Variants in ABI3BP observed in about 807,000 individuals in gnomAD.
ABI3BP encodes the protein ABI family member 3 binding protein, also known as target of Nesh-SH3.
A neutral mutation model predicts 268.6 loss-of-function variants in ABI3BP; 216 were observed. That is an observed-to-expected ratio of 0.80 (90% CI 0.72 to 0.90). The LOEUF (loss-of-function observed/expected upper bound fraction) is 0.90, where lower values mean the gene tolerates loss of function less well. ABI3BP is among the 40% of genes least tolerant of loss of function. ABI3BP has a pLI of 0.00. For synonymous variants in ABI3BP, 730 were observed against 730.0 expected (o/e 1.00, Z 0.00); for missense variants, 2,090 against 2,182.4 (o/e 0.96, Z 0.84).
chr3:100,816,918 T>A, intron 42 of ABI3BP, 150 bp from the exon 43 acceptor site: 1 of 628,854 alleles, frequency 1.6e-6, no homozygotes, highest in Non-Finnish European at 2.7e-6. Flanking sequence ...TCTTAATCAC[T>A]GAAGATTCTT....
chr3:100,818,559 A>G lies in ABI3BP; in HGVS notation c.3054T>C (p.Pro1018=). 2 of 1,535,588 alleles carry G rather than the reference A, an allele frequency of 1.3e-6. No homozygotes were observed. The highest frequency in any genetic ancestry group is 1.2e-5 in the South Asian group (1 of 84,046). The change falls in exon 41 of 68, where the codon CCT becomes CCC. Residue 1018 remains proline (P), a synonymous_variant. Coordinates refer to ENST00000471714, the MANE Select transcript of ABI3BP (RefSeq NM_001375547.2). ...TTGGAGCTTCAGTTCTGAGAGTACCAGGTTCAAGATCTGTAGAAGGAACTA... is the reference window on the plus strand; with the variant it reads ...TTGGAGCTTCAGTTCTGAGAGTACCGGGTTCAAGATCTGTAGAAGGAACTA... ...TKLVPSTDLE[P]GTLRTEAPKT...
chr3:100,850,608 A>ATTT, intron 16 of ABI3BP, 52 bp downstream of exon 16: 3 of 1,084,790 alleles, frequency 2.8e-6, no homozygotes, highest in Non-Finnish European at 3.9e-6. Flanking sequence ...CATTCACATG[A>ATTT]TTTTTTTTTT....
At chr3:100,751,785 C>G (rs895396516) in intron 66 of ABI3BP, 111 bp from the exon 67 acceptor site, 3 of 1,073,462 alleles carry the variant, frequency 2.8e-6, no homozygotes, top group Admixed American at 3.1e-5. Flanking sequence ...CTCTATTACC[C>G]TAGTTCAAAC....
At chr3:100,990,208 G>A (rs779093546) in intron 1 of ABI3BP, among the ~76,000 whole-genome samples, 109 of 152,088 alleles carry the variant, frequency 7.2e-4, no homozygotes, top group Admixed American at 3.9e-4. Context: ...TGTGTTATTC[G>A]GTGTGCATGT....
rs371150157 is a variant in ABI3BP at position 100,794,523 on chromosome 3, A to C, written c.3946+400T>G. ...AAAAGTTTCTTGTTAGAACTGCATC[A>C]CCTAACAGTGCACCCAGTAAAGGCT... On this transcript the variant is annotated intron_variant, in intron 54 of 67. Transcript: ENST00000471714. 7.2e-5 allele frequency among the ~76,000 whole-genome samples: 11 copies of C among 151,996 alleles called. 1 individual carries two copies. The highest frequency in any genetic ancestry group is 2.7e-4 in the African/African-American group (11 of 41,500).
intron 25 of ABI3BP, 49 bp from the exon 26 acceptor site, chr3:100,838,333 T>G: frequency 6.5e-7 from 1 of 1,528,830 alleles, no homozygotes; most frequent in Non-Finnish European, 8.8e-7. Flanking sequence ...GAGCTGTGAA[T>G]GTGGAGATTA....
At chr3:100,763,065 C>T (rs1013425876) in intron 63 of ABI3BP, among the ~76,000 whole-genome samples, 7 of 152,194 alleles carry the variant, frequency 4.6e-5, no homozygotes, top group African/African-American at 1.7e-4. Flanking sequence ...ATATAATAGA[C>T]ACACTGAATG....
intron 67 of ABI3BP, among the ~76,000 whole-genome samples, chr3:100,751,211 T>A (rs1036189657): frequency 2.0e-5 from 3 of 152,152 alleles, no homozygotes; most frequent in East Asian, 1.9e-4. Context: ...AGTTAAAAAA[T>A]TTTTTTTCTT....
intron 2 of ABI3BP, among the ~76,000 whole-genome samples, chr3:100,920,224 C>T (rs975252487): frequency 5.9e-5 from 9 of 152,082 alleles, no homozygotes; most frequent in Non-Finnish European, 1.3e-4. Flanking sequence ...TTAGACCAGG[C>T]TTTTTCAACC....
chr3:100,955,490 C>A (rs1584814257), intron 1 of ABI3BP, among the ~76,000 whole-genome samples: 2 of 152,080 alleles, frequency 1.3e-5, no homozygotes, highest in African/African-American at 4.8e-5. Context: ...AGATGTTTGA[C>A]TTATTTGTTT....
chr3:100,946,678 C>G (rs927745615), intron 1 of ABI3BP, among the ~76,000 whole-genome samples: 3 of 151,618 alleles, frequency 2.0e-5, no homozygotes, highest in Non-Finnish European at 2.9e-5. Context: ...ATCTCAGCTA[C>G]TTGGGAGGCT....
chr3:100,976,614 AG>A (rs2086343322), intron 1 of ABI3BP, among the ~76,000 whole-genome samples: 1 of 152,182 alleles, frequency 6.6e-6, no homozygotes, highest in Non-Finnish European at 1.5e-5. Flanking sequence ...TTTTAATAAG[AG>A]ATGAGAAATT....
chr3:100,870,269 G>A (rs923068911), intron 9 of ABI3BP, among the ~76,000 whole-genome samples: 22 of 152,104 alleles, frequency 1.4e-4, no homozygotes, highest in Admixed American at 7.9e-4. Context: ...CAAACCACAT[G>A]TATCTGATAA....
At chr3:100,863,436 C>T (rs1194371999) in intron 12 of ABI3BP, 1 of 156,376 alleles carries the variant, frequency 6.4e-6, no homozygotes, top group African/African-American at 2.4e-5. Context: ...CTGTCTCAGC[C>T]TCCTGGGTAG....
chr3:100,945,029 G>A (rs1691659126), intron 1 of ABI3BP, among the ~76,000 whole-genome samples: 1 of 152,068 alleles, frequency 6.6e-6, no homozygotes, highest in Admixed American at 6.6e-5. Flanking sequence ...TCTTCTCTAA[G>A]CCTCATTTTT....
At chr3:100,910,701 T>C (rs1260187632) in intron 2 of ABI3BP, among the ~76,000 whole-genome samples, 1 of 152,116 alleles carries the variant, frequency 6.6e-6, no homozygotes, top group African/African-American at 2.4e-5. Context: ...AAAGAATGTG[T>C]CAGTGTAAGG....
At chr3:100,906,187 C>A (rs539724632) in intron 2 of ABI3BP, among the ~76,000 whole-genome samples, 1 of 151,972 alleles carries the variant, frequency 6.6e-6, no homozygotes, top group Admixed American at 6.5e-5. Flanking sequence ...AAGAAAGACC[C>A]GAAACACTAG....
intron 1 of ABI3BP, among the ~76,000 whole-genome samples, chr3:100,936,535 A>T (rs1461655359): frequency 6.6e-6 from 1 of 152,056 alleles, no homozygotes; most frequent in East Asian, 1.9e-4. Context: ...TGTTTTGAAG[A>T]GTTTCAGAAG....
intron 2 of ABI3BP, chr3:100,914,566 A>T (rs2153576989): frequency 2.6e-6 from 1 of 384,138 alleles, no homozygotes; most frequent in East Asian, 7.3e-5. Context: ...TCACAAGAGA[A>T]GTTGCTCAGA....
Sources: allele counts gnomAD v4.1 joint callset (sites outside exome capture counted in the v4.1 genomes callset), GRCh38; gene constraint gnomAD v4.1.1; transcripts MANE v1.5; gene names NCBI Gene and HGNC (gene_info 2026-07-23, HGNC 2026-07-21).